The following RYR2 variants were observed in gnomAD, a reference collection of about 807,000 sequenced individuals.
The protein encoded by RYR2 is cardiac muscle ryanodine receptor-calcium release channel.
RYR2 carries 227 observed loss-of-function variants against 601.1 expected under a neutral mutation model. That is an observed-to-expected ratio of 0.38 (90% CI 0.34 to 0.42). The LOEUF is 0.42. Among genes scored for constraint, RYR2 ranks in the 10% least tolerant of loss-of-function variants. The pLI is 1.00. For missense variants in RYR2, 4,646 were observed against 6,156.5 expected (o/e 0.75, Z 8.21); for synonymous variants, 2,223 against 2,175.1 (o/e 1.02, Z -0.61).
At chr1:237,772,753 A>T (rs1430923967) in intron 86 of RYR2, among the ~76,000 whole-genome samples, 1 of 145,654 alleles carries the variant, frequency 6.9e-6, no homozygotes, top group Non-Finnish European at 1.5e-5. Flanking sequence ...TGAGTGTGTA[A>T]AATCACAACT....
At chr1:237,494,155 T>G (rs1663763779) in intron 19 of RYR2, among the ~76,000 whole-genome samples, 1 of 152,022 alleles carries the variant, frequency 6.6e-6, no homozygotes, top group Admixed American at 6.5e-5. Flanking sequence ...GAGCATTGAC[T>G]CACATGATCA....
intron 60 of RYR2, among the ~76,000 whole-genome samples, chr1:237,676,019 A>G (rs1366743135): frequency 2.0e-5 from 3 of 152,190 alleles, no homozygotes; most frequent in Non-Finnish European, 4.4e-5. Context: ...ATACGTAGCC[A>G]AATTAATCTG....
chr1:237,345,039 G>A (rs760197122), intron 3 of RYR2, among the ~76,000 whole-genome samples: 2 of 152,124 alleles, frequency 1.3e-5, no homozygotes, highest in Middle Eastern at 3.4e-3. Context: ...TCCATCTCCC[G>A]ACCTCGTGAT....
chr1:237,256,900 T>C (rs1688041668), intron 1 of RYR2, among the ~76,000 whole-genome samples: 1 of 152,200 alleles, frequency 6.6e-6, no homozygotes, highest in Non-Finnish European at 1.5e-5. Context: ...TAAATTTTAA[T>C]TACCTATTCA....
intron 17 of RYR2, among the ~76,000 whole-genome samples, chr1:237,481,821 A>AG (rs1662133937): frequency 6.7e-6 from 1 of 149,192 alleles, no homozygotes; most frequent in East Asian, 1.9e-4. Flanking sequence ...AAAAAAAAAA[A>AG]AAAAAAAAAA....
intron 1 of RYR2, among the ~76,000 whole-genome samples, chr1:237,103,405 T>G (rs79257704): frequency 0.013 from 1,997 of 152,316 alleles, 58 homozygotes; most frequent in African/African-American, 0.045. Context: ...TGTAGCCTGG[T>G]ACTTTGAACC....
intron 17 of RYR2, among the ~76,000 whole-genome samples, chr1:237,483,968 G>A (rs1572534652): frequency 1.3e-5 from 2 of 152,086 alleles, no homozygotes; most frequent in Non-Finnish European, 1.5e-5. Flanking sequence ...GACTTCTTTC[G>A]CTGATCTGCT....
At position 237,454,422 on chromosome 1, in the gene RYR2, G is replaced by C. The variant is rs747344666; in HGVS notation, c.1324G>C (p.Ala442Pro). 1.2e-6 allele frequency: 2 copies of C among 1,612,124 alleles called. No individual in the cohort carries two copies. The highest frequency in any genetic ancestry group is 1.7e-5 in the Admixed American group (1 of 59,760). Residue 442 changes from alanine to proline, a missense_variant, in exon 15 of 105, where the codon GCT becomes CCT. Transcript: ENST00000366574. ...GLDALSKKAK[A>P]STVDLPIESV... is the part of the protein sequence containing the mutation. ...TGATGCTCTCAGCAAGAAAGCGAAG[G>C]CTTCCACAGTCGATTTGCCTATAGA...
intron 57 of RYR2, 81 bp from the exon 58 acceptor site, chr1:237,667,802 A>C: frequency 9.9e-7 from 1 of 1,012,644 alleles, no homozygotes. Flanking sequence ...TTATTCCTTT[A>C]CGGTATCTAA....
At chr1:237,723,524 A>G (rs1689925859) in intron 74 of RYR2, among the ~76,000 whole-genome samples, 2 of 152,136 alleles carry the variant, frequency 1.3e-5, no homozygotes, top group Admixed American at 6.6e-5. Context: ...TTCTGAAAGT[A>G]TTAGGATTAT....
intron 2 of RYR2, among the ~76,000 whole-genome samples, chr1:237,285,888 T>C (rs1373747165): frequency 6.6e-6 from 1 of 152,198 alleles, no homozygotes; most frequent in African/African-American, 2.4e-5. Flanking sequence ...GTTTTGTTTC[T>C]TAATGAGGTT....
chr1:237,708,985 G>A lies in RYR2; in HGVS notation c.10029G>A (p.Glu3343=). 6.2e-7 allele frequency: 1 copy of A among 1,613,784 alleles called. No individual in the cohort carries two copies. Among genetic ancestry groups the A allele is most frequent in the South Asian group, 1.1e-5 (1 of 91,054 alleles). ...CTGAGGAAGACCACCTGAAAGCTGA[G>A]GCCAGGGGGGACATGTCGGAGGCAG... ...VVSEEDHLKA[E]ARGDMSEAEL... Residue 3343 remains glutamate, a synonymous_variant, in exon 69 of 105, where the codon GAG becomes GAA. Transcript: ENST00000366574.
intron 1 of RYR2, among the ~76,000 whole-genome samples, chr1:237,171,190 C>T (rs1302740565): frequency 6.7e-6 from 1 of 149,338 alleles, no homozygotes; most frequent in Admixed American, 6.7e-5. Context: ...GCCGAGATTG[C>T]ACCACTACAC....
intron 1 of RYR2, among the ~76,000 whole-genome samples, chr1:237,163,243 T>C (rs1261178161): frequency 1.3e-5 from 2 of 152,180 alleles, no homozygotes; most frequent in African/African-American, 4.8e-5. Flanking sequence ...TTCTCCCTTT[T>C]ACTGTCCACC....
chr1:237,791,300 G>C, intron 92 of RYR2, 129 bp from the exon 93 acceptor site: 1 of 637,574 alleles, frequency 1.6e-6, no homozygotes, highest in East Asian at 2.8e-5. Flanking sequence ...GCAGCACCAA[G>C]AATGGTGCTT....
At chr1:237,046,911 T>A (rs1660671589) in intron 1 of RYR2, among the ~76,000 whole-genome samples, 1 of 152,122 alleles carries the variant, frequency 6.6e-6, no homozygotes, top group Admixed American at 6.6e-5. Flanking sequence ...AGGGAAGTGG[T>A]TTGCAGCTGT....
chr1:237,759,769 C>T lies in RYR2; in HGVS notation c.11326-7C>T. ...CAGTGGCCACGTGGTTTCTATAATT[C>T]CCATAGAAAATGCTTGACTACCTCA... On this transcript the variant is annotated splice_region_variant and splice_polypyrimidine_tract_variant and intron_variant, in intron 82 of 104. Transcript: ENST00000366574. 6.3e-7 allele frequency: 1 copy of T among 1,590,288 alleles called. No individual in the cohort carries two copies. The highest frequency in any genetic ancestry group is 8.6e-7 in the Non-Finnish European group (1 of 1,158,564).
intron 1 of RYR2, among the ~76,000 whole-genome samples, chr1:237,227,651 A>G (rs1248338046): frequency 1.3e-5 from 2 of 152,138 alleles, no homozygotes; most frequent in Non-Finnish European, 2.9e-5. Flanking sequence ...TGCACATGGC[A>G]TTCACTGGCA....
At chr1:237,452,056 G>A (rs1487002571) in intron 14 of RYR2, among the ~76,000 whole-genome samples, 5 of 99,354 alleles carry the variant, frequency 5.0e-5, no homozygotes, top group Non-Finnish European at 1.1e-4. Context: ...TTGGCCTGGG[G>A]TGGGGAATAT....
Sources: gnomAD v4.1 joint callset for allele counts (sites outside exome capture counted in the v4.1 genomes callset) on GRCh38, gnomAD v4.1.1 for gene constraint, MANE v1.5 for transcripts, NCBI Gene and HGNC (gene_info 2026-07-23, HGNC 2026-07-21) for gene names.